Variants in NHSL1 observed in about 807,000 individuals in gnomAD.
NHSL1 encodes the protein NHS-like protein 1.
NHSL1 carries 48 observed loss-of-function variants against 95.0 expected under a neutral mutation model. The observed-to-expected ratio is 0.51, with a 90% CI of 0.40 to 0.64. NHSL1 has a LOEUF of 0.64. Among genes scored for constraint, NHSL1 ranks in the 30% least tolerant of loss-of-function variants. NHSL1 has a pLI of 0.00. For synonymous variants in NHSL1, 783 were observed against 833.9 expected, an observed-to-expected ratio of 0.94 and a Z score of 1.05; for missense variants, 1,971 against 2,077.7, an observed-to-expected ratio of 0.95 and a Z score of 1.00.
intron 1 of NHSL1, among the ~76,000 whole-genome samples, chr6:138,615,704 C>T (rs1784569863): frequency 6.6e-6 from 1 of 152,260 alleles, no homozygotes; most frequent in Middle Eastern, 3.2e-3. Context: ...ATCTCCTGAC[C>T]TCATGATCCG....
Position 138,430,677 on chromosome 6 carries a change from G to GCTTCGCT in NHSL1, c.3661_3667dup (p.Ala1223GlufsTer44). 1 of 1,551,674 alleles carries GCTTCGCT rather than the reference G, an allele frequency of 6.4e-7. No homozygotes were observed. Among genetic ancestry groups the GCTTCGCT allele is most frequent in the Non-Finnish European group, 8.7e-7 (1 of 1,146,996 alleles). On this transcript the variant is annotated frameshift_variant, in exon 6 of 8. Transcript: ENST00000343505. LOFTEE classifies it high-confidence loss of function. This position sits in a 1 kb window ranked among gnomAD's most constrained non-coding sequence, Gnocchi z 4.7. ...CGTGGGGCTGGGCACAGCTCGGAGGGCTTCGCTCACGTTCTCTGCGGGCTC... is the reference window on the plus strand; with the variant it reads ...CGTGGGGCTGGGCACAGCTCGGAGGGCTTCGCTCTTCGCTCACGTTCTCTGCGGGCTC...
At chr6:138,540,280 C>T (rs1782528591) in intron 1 of NHSL1, among the ~76,000 whole-genome samples, 1 of 152,148 alleles carries the variant, frequency 6.6e-6, no homozygotes. Flanking sequence ...AGTAAAATGT[C>T]CAGAGTCACA....
chr6:138,590,639 C>G (rs1444188789), intron 1 of NHSL1, among the ~76,000 whole-genome samples: 1 of 152,080 alleles, frequency 6.6e-6, no homozygotes, highest in Non-Finnish European at 1.5e-5. Context: ...GTATGGACTC[C>G]CCAGTTCTCC....
intron 3 of NHSL1, among the ~76,000 whole-genome samples, chr6:138,463,573 G>A (rs1778141068): frequency 6.7e-6 from 1 of 148,428 alleles, no homozygotes; most frequent in African/African-American, 2.5e-5. Flanking sequence ...TGAGCTGAAC[G>A]TGCAGGTTTG....
At chr6:138,449,244 A>G (rs1483372672) in intron 3 of NHSL1, among the ~76,000 whole-genome samples, 1 of 152,224 alleles carries the variant, frequency 6.6e-6, no homozygotes, top group African/African-American at 2.4e-5. Context: ...CTAAGAATCC[A>G]AAGACCTGAG....
At chr6:138,531,946 C>T (rs918961167) in intron 1 of NHSL1, among the ~76,000 whole-genome samples, 4 of 152,184 alleles carry the variant, frequency 2.6e-5, no homozygotes, top group African/African-American at 9.7e-5. Context: ...GAACAATACA[C>T]ATTCCCTACC....
At chr6:138,553,044 A>G (rs1247083526) in intron 1 of NHSL1, among the ~76,000 whole-genome samples, 1 of 152,044 alleles carries the variant, frequency 6.6e-6, no homozygotes, top group African/African-American at 2.4e-5. Context: ...AAGAACTCCA[A>G]TTGCACCATC....
chr6:138,441,190 G>A (rs1400269139), intron 5 of NHSL1, among the ~76,000 whole-genome samples: 1 of 152,218 alleles, frequency 6.6e-6, no homozygotes, highest in East Asian at 1.9e-4. Context: ...GCAAGTGGCA[G>A]AGTTAGGGTT....
intron 1 of NHSL1, among the ~76,000 whole-genome samples, chr6:138,672,588 C>T (rs1287722359): frequency 6.6e-6 from 1 of 152,156 alleles, no homozygotes; most frequent in Non-Finnish European, 1.5e-5. Context: ...AGCAGAATAT[C>T]TGAGCAAAAG....
intron 1 of NHSL1, among the ~76,000 whole-genome samples, chr6:138,508,328 T>C (rs1268745914): frequency 2.6e-5 from 4 of 152,050 alleles, no homozygotes; most frequent in Non-Finnish European, 5.9e-5. Flanking sequence ...ATGTTAGAAA[T>C]GAGGTCGGGC....
At chr6:138,607,890 A>G (rs983143915) in intron 1 of NHSL1, among the ~76,000 whole-genome samples, 1 of 152,246 alleles carries the variant, frequency 6.6e-6, no homozygotes, top group African/African-American at 2.4e-5. Context: ...AAGATAAGTG[A>G]CAGAAGGAGG....
intron 1 of NHSL1, among the ~76,000 whole-genome samples, chr6:138,532,559 G>A (rs1782178883): frequency 6.6e-6 from 1 of 152,022 alleles, no homozygotes; most frequent in Non-Finnish European, 1.5e-5. Flanking sequence ...GGAGAGGAGA[G>A]AGAAAGAGGG....
chr6:138,511,731 T>C (rs1781239775), intron 1 of NHSL1, among the ~76,000 whole-genome samples: 1 of 152,118 alleles, frequency 6.6e-6, no homozygotes, highest in African/African-American at 2.4e-5. Context: ...AGCCCAGTAG[T>C]TCAAGACCAG....
At chr6:138,462,279 A>G (rs1778048639) in intron 3 of NHSL1, among the ~76,000 whole-genome samples, 1 of 152,186 alleles carries the variant, frequency 6.6e-6, no homozygotes, top group South Asian at 2.1e-4. Flanking sequence ...GTGTCAAAAC[A>G]TGGTGGAGAT....
chr6:138,559,676 T>A (rs1454921759), intron 1 of NHSL1, among the ~76,000 whole-genome samples: 7 of 152,182 alleles, frequency 4.6e-5, no homozygotes, highest in African/African-American at 1.7e-4. Flanking sequence ...AAAAGCTATG[T>A]GATACACATG....
At chr6:138,435,712 G>GTTTT (rs57274796) in intron 5 of NHSL1, among the ~76,000 whole-genome samples, 1 of 141,304 alleles carries the variant, frequency 7.1e-6, no homozygotes, top group African/African-American at 2.6e-5. Flanking sequence ...GATAACTGGG[G>GTTTT]TTTTTTTTTT....
Position 138,432,029 on chromosome 6 carries a change from G to C in NHSL1, c.2316C>G (p.Val772=), listed in dbSNP as rs1387522580. The change falls in exon 6 of 8, where the codon GTC becomes GTG. Residue 772 remains valine (V), a synonymous_variant. Transcript: ENST00000343505. The surrounding 1 kb of genome is among the most constrained non-coding windows in gnomAD (Gnocchi z 4.4). ...ATPSQSDTSS[V]KSEYTDPWGY... is the part of the protein sequence containing the mutation. ...CCCAGGGGTCCGTGTACTCTGACTT[G>C]ACGCTGCTTGTGTCACTCTGCGATG... 6.4e-7 allele frequency: 1 copy of C among 1,551,744 alleles called. No homozygotes were observed. The highest frequency in any genetic ancestry group is 2.0e-5 in the Admixed American group (1 of 51,016).
At chr6:138,589,324 G>T (rs1784189499) in intron 1 of NHSL1, among the ~76,000 whole-genome samples, 1 of 152,132 alleles carries the variant, frequency 6.6e-6, no homozygotes, top group Non-Finnish European at 1.5e-5. Flanking sequence ...ATGATGCGGG[G>T]TGCTTATTAA....
chr6:138,624,179 A>G (rs1784704165), intron 1 of NHSL1, among the ~76,000 whole-genome samples: 1 of 152,164 alleles, frequency 6.6e-6, no homozygotes, highest in Non-Finnish European at 1.5e-5. Context: ...GCAATGGTGG[A>G]CGCTAAGAGA....
Sources: gnomAD v4.1 joint callset for allele counts (sites outside exome capture counted in the v4.1 genomes callset) on GRCh38, gnomAD v4.1.1 for gene constraint, Gnocchi (gnomAD v3.1) non-coding constraint, MANE v1.5 for transcripts, NCBI Gene and HGNC (gene_info 2026-07-23, HGNC 2026-07-21) for gene names.